CDC14A: variants seen among roughly 807,000 people sequenced by gnomAD.
The protein encoded by CDC14A is cell division cycle 14A, also known as dual specificity protein phosphatase CDC14A.
Under a neutral mutation model 74.4 loss-of-function variants are expected in CDC14A, and 53 were observed. The ratio of observed to expected loss-of-function variants is 0.71; its 90% CI spans 0.57 to 0.89. The LOEUF is 0.89. CDC14A is among the 40% of genes least tolerant of loss of function. CDC14A has a pLI of 0.00. For synonymous variants in CDC14A, 247 were observed against 258.4 expected, an observed-to-expected ratio of 0.96 and a Z score of 0.43; for missense variants, 646 against 713.7, an observed-to-expected ratio of 0.91 and a Z score of 1.08.
intron 7 of CDC14A, among the ~76,000 whole-genome samples, chr1:100,449,279 AG>A (rs1354580365): frequency 6.6e-6 from 1 of 152,204 alleles, no homozygotes; most frequent in African/African-American, 2.4e-5. Context: ...TCTTCGATCA[AG>A]ACTTCACATT....
intron 1 of CDC14A, 77 bp from the exon 2 acceptor site, chr1:100,353,685 C>T (rs1651459606): frequency 2.7e-6 from 2 of 735,798 alleles, no homozygotes; most frequent in Non-Finnish European, 4.8e-6. Context: ...TGTGATCCTT[C>T]GTATGTTACC....
chr1:100,381,065 A>G (rs1437567503), intron 3 of CDC14A, among the ~76,000 whole-genome samples: 1 of 152,182 alleles, frequency 6.6e-6, no homozygotes, highest in Admixed American at 6.5e-5. Context: ...TCACTAGACT[A>G]TGAGCTTCTA....
At chr1:100,495,750 G>A (rs1483826407) in intron 12 of CDC14A, among the ~76,000 whole-genome samples, 1 of 152,092 alleles carries the variant, frequency 6.6e-6, no homozygotes, top group Non-Finnish European at 1.5e-5. Context: ...TAGTCAGATT[G>A]GGTCTTTACT....
At chr1:100,478,280 T>C (rs894410632) in intron 10 of CDC14A, among the ~76,000 whole-genome samples, 1 of 152,048 alleles carries the variant, frequency 6.6e-6, no homozygotes, top group African/African-American at 2.4e-5. Flanking sequence ...AGTATAAAGG[T>C]GGAGTCAGGC....
chr1:100,368,828 A>G (rs1269072436), intron 2 of CDC14A, among the ~76,000 whole-genome samples: 1 of 152,160 alleles, frequency 6.6e-6, no homozygotes, highest in Non-Finnish European at 1.5e-5. Context: ...CCACTTATAA[A>G]TGAGAACATG....
intron 2 of CDC14A, among the ~76,000 whole-genome samples, chr1:100,360,323 T>C (rs1422407878): frequency 1.3e-5 from 2 of 150,442 alleles, no homozygotes; most frequent in Admixed American, 6.7e-5. Flanking sequence ...GAAGTAGATA[T>C]ATCTGTGTAC....
In CDC14A at chr1:100,500,280, G is replaced by A. The variant is rs182458150; in HGVS notation, c.1755+1018G>A. On this transcript the variant is annotated intron_variant, in intron 15 of 15. Coordinates refer to ENST00000336454, the MANE Select transcript of CDC14A (RefSeq NM_003672.4). ...TCTTGGAAGGCTCTGGCCTGGTGTCGCTTCACACTTGCTATTCTTGAAACA... is the reference window on the plus strand; with the variant it reads ...TCTTGGAAGGCTCTGGCCTGGTGTCACTTCACACTTGCTATTCTTGAAACA... 1.3e-3 allele frequency among the ~76,000 whole-genome samples: 194 copies of A among 152,228 alleles called. 2 individuals carry two copies. Among genetic ancestry groups the A allele is most frequent in the Non-Finnish European group, 2.4e-3 (163 of 68,002 alleles).
In CDC14A at chr1:100,499,043, G is replaced by A. The variant is rs375101555; in HGVS notation, c.1536G>A (p.Pro512=). 19 of 1,614,118 alleles carry A rather than the reference G, an allele frequency of 1.2e-5. No individual in the cohort carries two copies. The highest frequency in any genetic ancestry group is 3.3e-4 in the Middle Eastern group (2 of 6,062). ...CTAAGGCAGGCTTCACAGCCAGCCC[G>A]TTTACCAACCTCTTGAATGGCAGCT... ...SSSKAGFTAS[P]FTNLLNGSSQ... Residue 512 remains proline, a synonymous_variant, in exon 15 of 16, where the codon CCG becomes CCA. Transcript: ENST00000336454.
chr1:100,457,100 T>A (rs1162115539), intron 8 of CDC14A, among the ~76,000 whole-genome samples: 1 of 152,226 alleles, frequency 6.6e-6, no homozygotes, highest in Non-Finnish European at 1.5e-5. Flanking sequence ...ATTGTTTCAG[T>A]AGTAGTTTTG....
intron 15 of CDC14A, among the ~76,000 whole-genome samples, chr1:100,503,523 A>G (rs1648966963): frequency 6.6e-6 from 1 of 152,228 alleles, no homozygotes; most frequent in Admixed American, 6.5e-5. Context: ...GAAAAATGTA[A>G]AAATGATTTC....
intron 4 of CDC14A, among the ~76,000 whole-genome samples, chr1:100,397,820 G>A (rs1240106497): frequency 6.6e-6 from 1 of 152,204 alleles, no homozygotes; most frequent in Admixed American, 6.5e-5. Context: ...AGACTAGCCT[G>A]AACCAGATGT....
Position 100,459,086 on chromosome 1 carries a change from A to AACACACACACACACACACACACACACAC in CDC14A, c.608-3551_608-3550insACACACACACACACACACACACACACAC, listed in dbSNP as rs751247467. Among the ~76,000 whole-genome samples, 45 of 129,210 alleles carry AACACACACACACACACACACACACACAC rather than the reference A, an allele frequency of 3.5e-4. 1 individual carries two copies. The highest frequency in any genetic ancestry group is 1.4e-3 in the African/African-American group (39 of 28,172). The allele number at this position is 129,210 out of a possible 152,430, so 84.8% of individuals were successfully genotyped here. A position where few individuals can be genotyped will look rare whatever the true frequency, so the allele number is the denominator to read the frequency against. On this transcript the variant is annotated intron_variant, in intron 8 of 15. Coordinates refer to ENST00000336454, the MANE Select transcript of CDC14A (RefSeq NM_003672.4). ...TCACTGTCATTCTCACTTCTATTTA[A>AACACACACACACACACACACACACACAC]ACACACACACACACGCACACACACA... is the stretch of plus-strand genomic sequence containing the variant.
In CDC14A at chr1:100,393,382, T is replaced by C. The variant is rs191844441; in HGVS notation, c.309+2558T>C. ...TGATGCTCTAACTAGGCCATAGAAT[T>C]GTTTACACATTCTTGCCATGCAGTA... On this transcript the variant is annotated intron_variant, in intron 4 of 15. Transcript: ENST00000336454. 1.1e-4 allele frequency: 92 copies of C among 863,214 alleles called. No individual in the cohort carries two copies. In the Admixed American group the frequency reaches 1.5e-3, roughly 14 times the overall value. 53.5% of individuals were successfully genotyped at this position (863,214 alleles called of 1,614,324 possible).
At chr1:100,410,384 C>T (rs1163462869) in intron 4 of CDC14A, among the ~76,000 whole-genome samples, 2 of 152,100 alleles carry the variant, frequency 1.3e-5, no homozygotes, top group Non-Finnish European at 2.9e-5. Flanking sequence ...TGCGGTGGCA[C>T]AATCTCAGCT....
intron 8 of CDC14A, among the ~76,000 whole-genome samples, chr1:100,458,898 G>A (rs557876586): frequency 1.5e-4 from 23 of 152,170 alleles, no homozygotes; most frequent in Admixed American, 1.0e-3. Context: ...GGGAACACTA[G>A]GAGTTTCTTT....
At chr1:100,420,031 T>TATACACACACACAC (rs1289903598) in intron 4 of CDC14A, among the ~76,000 whole-genome samples, 1 of 82,900 alleles carries the variant, frequency 1.2e-5, no homozygotes, top group African/African-American at 3.5e-5. Context: ...TATACATATA[T>TATACACACACACAC]ACACACACAC....
At chr1:100,472,664 A>AT (rs146350936) in intron 10 of CDC14A, among the ~76,000 whole-genome samples, 8,249 of 150,650 alleles carry the variant, frequency 0.055, 751 homozygotes, top group African/African-American at 0.19. Flanking sequence ...GATTTCTCAT[A>AT]TTTTTTTTTC....
chr1:100,424,427 G>A, intron 5 of CDC14A, 126 bp downstream of exon 5: 1 of 666,164 alleles, frequency 1.5e-6, no homozygotes, highest in Non-Finnish European at 2.7e-6. Context: ...GAAATGAGAT[G>A]GTAGTTTTTA....
chr1:100,374,142 T>C (rs1399839401), intron 2 of CDC14A, among the ~76,000 whole-genome samples: 1 of 152,192 alleles, frequency 6.6e-6, no homozygotes, highest in Non-Finnish European at 1.5e-5. Flanking sequence ...ACTCATCATT[T>C]TTTATGGCTG....
Sources: allele counts gnomAD v4.1 joint callset (sites outside exome capture counted in the v4.1 genomes callset), GRCh38; gene constraint gnomAD v4.1.1; transcripts MANE v1.5; gene names NCBI Gene and HGNC (gene_info 2026-07-23, HGNC 2026-07-21).